The following MACROD2 variants were observed in gnomAD, a reference collection of about 807,000 sequenced individuals.
MACROD2 encodes the protein mono-ADP ribosylhydrolase 2.
A neutral mutation model predicts 70.4 loss-of-function variants in MACROD2; 36 were observed. The observed-to-expected ratio is 0.51, with a 90% CI of 0.39 to 0.68. The LOEUF (loss-of-function observed/expected upper bound fraction) is 0.68, where lower values mean the gene tolerates loss of function less well. Among genes scored for constraint, MACROD2 ranks in the 30% least tolerant of loss-of-function variants. The probability of loss-of-function intolerance (pLI) is 0.00; values close to 1 mark genes in which losing one functional copy is unlikely to be tolerated. For synonymous variants in MACROD2, 172 were observed against 178.8 expected (o/e 0.96, Z 0.30); for missense variants, 496 against 538.4 (o/e 0.92, Z 0.78).
intron 8 of MACROD2, among the ~76,000 whole-genome samples, chr20:15,619,213 A>G (rs1159864887): frequency 6.6e-6 from 1 of 152,216 alleles, no homozygotes; most frequent in African/African-American, 2.4e-5. Context: ...TAGTCCTACA[A>G]AGGCATTCCA....
intron 8 of MACROD2, among the ~76,000 whole-genome samples, chr20:15,659,578 T>A (rs1019747177): frequency 6.6e-6 from 1 of 152,074 alleles, no homozygotes; most frequent in Admixed American, 6.6e-5. Context: ...AGTTATTATC[T>A]GGTAATGTCT....
At chr20:14,385,327 A>C (rs1274391758) in intron 3 of MACROD2, among the ~76,000 whole-genome samples, 1 of 152,136 alleles carries the variant, frequency 6.6e-6, no homozygotes, top group Non-Finnish European at 1.5e-5. Context: ...ACCTTTATCA[A>C]ATTACAGTTT....
At chr20:15,035,504 A>T (rs1287155334) in intron 5 of MACROD2, among the ~76,000 whole-genome samples, 3 of 152,200 alleles carry the variant, frequency 2.0e-5, no homozygotes, top group Non-Finnish European at 4.4e-5. Flanking sequence ...TATTTTCTTT[A>T]AGTGAAATTT....
chr20:15,643,126 C>T (rs1219418173), intron 8 of MACROD2, among the ~76,000 whole-genome samples: 4 of 152,120 alleles, frequency 2.6e-5, no homozygotes, highest in African/African-American at 9.7e-5. Flanking sequence ...TATACAGATC[C>T]TACTTCCATG....
intron 5 of MACROD2, among the ~76,000 whole-genome samples, chr20:14,975,084 G>C (rs901695691): frequency 6.6e-6 from 1 of 152,124 alleles, no homozygotes; most frequent in Non-Finnish European, 1.5e-5. Context: ...CTACACACTA[G>C]ATGCCAGTAG....
At chr20:15,527,850 T>G (rs1269212691) in intron 8 of MACROD2, among the ~76,000 whole-genome samples, 4 of 152,232 alleles carry the variant, frequency 2.6e-5, no homozygotes. Context: ...TCCCCTTCAG[T>G]GCCTTCTGTC....
At position 14,489,151 on chromosome 20, in the gene MACROD2, C is replaced by G. The variant is rs75997433; in HGVS notation, c.272-4328C>G. Among the ~76,000 whole-genome samples the G allele has an allele frequency of 9.3e-3, 1,411 of 152,276 alleles. 17 individuals are homozygous for G. The highest frequency in any genetic ancestry group is 0.025 in the African/African-American group (1,031 of 41,552). ...TTATGCCTGGTTTCTACATGTGAATCCGTTAAGCCTATTCTTAATTTTCTC... is the reference window on the plus strand; with the variant it reads ...TTATGCCTGGTTTCTACATGTGAATGCGTTAAGCCTATTCTTAATTTTCTC... On this transcript the variant is annotated intron_variant, in intron 3 of 17. Transcript: ENST00000684519.
intron 1 of MACROD2, among the ~76,000 whole-genome samples, chr20:14,002,011 A>G (rs2052738816): frequency 6.6e-6 from 1 of 152,220 alleles, no homozygotes. Flanking sequence ...CCTGGCCCAT[A>G]GTAAACTGTA....
intron 5 of MACROD2, among the ~76,000 whole-genome samples, chr20:15,028,466 T>G (rs77186793): frequency 0.062 from 9,498 of 152,252 alleles, 410 homozygotes; most frequent in African/African-American, 0.12. Flanking sequence ...CTAATAAGTG[T>G]TACTTTTATT....
intron 3 of MACROD2, among the ~76,000 whole-genome samples, chr20:14,274,506 A>G (rs2082231240): frequency 6.6e-6 from 1 of 152,206 alleles, no homozygotes; most frequent in Non-Finnish European, 1.5e-5. Flanking sequence ...CAAAATAATA[A>G]GAGCTACTCT....
intron 10 of MACROD2, 121 bp downstream of exon 10, chr20:15,885,932 G>T (rs976836174): frequency 8.1e-6 from 9 of 1,117,860 alleles, no homozygotes; most frequent in Non-Finnish European, 9.6e-6. Context: ...TATATGCTCA[G>T]TGTTATAAAA....
At chr20:14,310,442 T>C (rs1451045675) in intron 3 of MACROD2, among the ~76,000 whole-genome samples, 1 of 152,154 alleles carries the variant, frequency 6.6e-6, no homozygotes, top group Non-Finnish European at 1.5e-5. Context: ...AAAATTCCTA[T>C]GGCCGTCATA....
At chr20:14,040,629 T>C (rs749316294) in intron 2 of MACROD2, among the ~76,000 whole-genome samples, 1 of 152,132 alleles carries the variant, frequency 6.6e-6, no homozygotes, top group Non-Finnish European at 1.5e-5. Context: ...TCTAAGTGAG[T>C]GAGTGGTGAG....
At chr20:14,409,939 G>A (rs958556425) in intron 3 of MACROD2, among the ~76,000 whole-genome samples, 3 of 152,068 alleles carry the variant, frequency 2.0e-5, no homozygotes, top group South Asian at 2.1e-4. Context: ...GCATTCACCC[G>A]TCCTGTGTAG....
In MACROD2 at chr20:15,360,051, C is replaced by A. The variant is rs141553012; in HGVS notation, c.541-71354C>A. On this transcript the variant is annotated intron_variant, in intron 6 of 17. Transcript: ENST00000684519. Reference sequence around the variant, plus strand: ...CACCTGACAATCACAAATCTATCTACCCTCTCTATAATTTGGCCATTTTTA... The same window carrying A: ...CACCTGACAATCACAAATCTATCTAACCTCTCTATAATTTGGCCATTTTTA... 3.7e-4 allele frequency among the ~76,000 whole-genome samples: 57 copies of A among 152,242 alleles called. No individual in the cohort carries two copies. The East Asian group carries it at 0.011, about 28-fold the overall frequency.
chr20:14,421,334 T>A (rs185348415), intron 3 of MACROD2, among the ~76,000 whole-genome samples: 2 of 152,192 alleles, frequency 1.3e-5, no homozygotes, highest in African/African-American at 2.4e-5. Context: ...CAGAAACCTT[T>A]GGTCCTATGC....
chr20:15,747,672 G>A (rs1435751191), intron 8 of MACROD2, among the ~76,000 whole-genome samples: 1 of 151,980 alleles, frequency 6.6e-6, no homozygotes, highest in Admixed American at 6.6e-5. Flanking sequence ...TGCTACAATT[G>A]CTTATTATTT....
chr20:15,802,183 A>C lies in MACROD2; in HGVS notation c.646-60562A>C, dbSNP rs116529055. ...ACTTCCTCTGTTTTCAATTTGGATG[A>C]CTTCCATTTATTTCCCTTGACTGAT... On this transcript the variant is annotated intron_variant, in intron 8 of 17. Coordinates refer to ENST00000684519, the MANE Select transcript of MACROD2 (RefSeq NM_001351661.2). Among the ~76,000 whole-genome samples the C allele has an allele frequency of 4.5e-3, 685 of 152,188 alleles. 6 individuals carry two copies. Among genetic ancestry groups the C allele is most frequent in the African/African-American group, 0.016 (657 of 41,456 alleles).
chr20:14,803,934 G>T (rs1382685622), intron 5 of MACROD2, among the ~76,000 whole-genome samples: 1 of 152,050 alleles, frequency 6.6e-6, no homozygotes, highest in African/African-American at 2.4e-5. Context: ...GTGGCTCAAA[G>T]AAGGCAAAAT....
Sources: gnomAD v4.1 joint callset for allele counts (sites outside exome capture counted in the v4.1 genomes callset) on GRCh38, gnomAD v4.1.1 for gene constraint, MANE v1.5 for transcripts, NCBI Gene and HGNC (gene_info 2026-07-23, HGNC 2026-07-21) for gene names.